RAP2A: variants seen among roughly 807,000 people sequenced by gnomAD.
RAP2A encodes the protein RAP2A, member of RAS oncogene family.
Under a neutral mutation model 15.1 loss-of-function variants are expected in RAP2A, and 5 were observed. That is an observed-to-expected ratio of 0.33 (90% CI 0.17 to 0.70). The LOEUF (loss-of-function observed/expected upper bound fraction) is 0.70, where lower values mean the gene tolerates loss of function less well. RAP2A is among the 30% of genes least tolerant of loss of function. RAP2A has a pLI of 0.68. For missense variants in RAP2A, 111 were observed against 240.3 expected, an observed-to-expected ratio of 0.46 and a Z score of 3.56; for synonymous variants, 110 against 99.7, an observed-to-expected ratio of 1.10 and a Z score of -0.62.
At chr13:97,460,863 T>C (rs1479602467) in intron 1 of RAP2A, among the ~76,000 whole-genome samples, 1 of 152,174 alleles carries the variant, frequency 6.6e-6, no homozygotes, top group Non-Finnish European at 1.5e-5. Flanking sequence ...GTCTGGTGGC[T>C]GCTTTGTTGT....
chr13:97,455,720 T>G (rs1426829726), intron 1 of RAP2A, among the ~76,000 whole-genome samples: 1 of 151,510 alleles, frequency 6.6e-6, no homozygotes, highest in Non-Finnish European at 1.5e-5. Flanking sequence ...CTGCTTTGAG[T>G]CTTCCCACTC....
At position 97,467,878 on chromosome 13, in the gene RAP2A, G is replaced by C. The variant is rs2066779306; in HGVS notation, c.*3436G>C. The C allele has an allele frequency of 6.6e-6, 1 of 152,534 alleles. No individual in the cohort carries two copies. Among genetic ancestry groups the C allele is most frequent in the Admixed American group, 6.5e-5 (1 of 15,278 alleles). 9.4% of individuals were successfully genotyped at this position (152,534 alleles called of 1,614,324 possible). A position where few individuals can be genotyped will look rare whatever the true frequency, so the allele number is the denominator to read the frequency against. ...AGTTTATTGTTTTGTAACAATGTCA[G>C]TTGTTAAACCTTGACATTTCAATTA... On this transcript the variant is annotated 3_prime_UTR_variant, in exon 2 of 2. Coordinates refer to ENST00000245304, the MANE Select transcript of RAP2A (RefSeq NM_021033.7).
At chr13:97,461,962 CAA>C (rs775969872) in intron 1 of RAP2A, among the ~76,000 whole-genome samples, 17 of 105,866 alleles carry the variant, frequency 1.6e-4, no homozygotes, top group South Asian at 9.1e-4. Context: ...GACTCCGTCT[CAA>C]AAAAAAAATA....
At chr13:97,441,716 T>G (rs1177674895) in intron 1 of RAP2A, 2 of 426,222 alleles carry the variant, frequency 4.7e-6, no homozygotes, top group African/African-American at 2.1e-5. Flanking sequence ...TGTTTTCTGT[T>G]TCTCTCCATC....
At chr13:97,439,916 T>G (rs1479739450) in intron 1 of RAP2A, among the ~76,000 whole-genome samples, 1 of 152,100 alleles carries the variant, frequency 6.6e-6, no homozygotes, top group African/African-American at 2.4e-5. Context: ...AGATTATTAT[T>G]AATTTTCTAT....
intron 1 of RAP2A, among the ~76,000 whole-genome samples, chr13:97,442,996 A>G (rs1158272933): frequency 1.3e-5 from 2 of 152,236 alleles, no homozygotes; most frequent in African/African-American, 2.4e-5. Flanking sequence ...TAGTAATTCA[A>G]GATAACTTTT....
chr13:97,452,846 A>C (rs1023330069), intron 1 of RAP2A, among the ~76,000 whole-genome samples: 1 of 151,284 alleles, frequency 6.6e-6, no homozygotes, highest in Non-Finnish European at 1.5e-5. Flanking sequence ...CTTGTTGTGA[A>C]GGTCTTTTAC....
At chr13:97,455,465 T>C (rs1016391143) in intron 1 of RAP2A, among the ~76,000 whole-genome samples, 3 of 151,488 alleles carry the variant, frequency 2.0e-5, no homozygotes, top group African/African-American at 4.9e-5. Context: ...TTTAGTATTA[T>C]GTTGCTTAGT....
At chr13:97,438,135 A>G (rs566984145) in intron 1 of RAP2A, among the ~76,000 whole-genome samples, 6 of 152,366 alleles carry the variant, frequency 3.9e-5, no homozygotes, top group African/African-American at 1.4e-4. Flanking sequence ...AAATAAAACT[A>G]GAATTTTTTT....
At chr13:97,441,580 A>AT (rs1402117873) in intron 1 of RAP2A, among the ~76,000 whole-genome samples, 1 of 151,886 alleles carries the variant, frequency 6.6e-6, no homozygotes, top group Non-Finnish European at 1.5e-5. Flanking sequence ...ACTTAAGGGA[A>AT]TTTTTTTTCA....
chr13:97,441,127 T>A (rs1444039992), intron 1 of RAP2A, among the ~76,000 whole-genome samples: 1 of 152,156 alleles, frequency 6.6e-6, no homozygotes, highest in Non-Finnish European at 1.5e-5. Flanking sequence ...TGTCTCTTCC[T>A]CTCTAACATT....
chr13:97,444,920 A>G (rs1399727626), intron 1 of RAP2A, among the ~76,000 whole-genome samples: 5 of 152,234 alleles, frequency 3.3e-5, no homozygotes, highest in Non-Finnish European at 5.9e-5. Flanking sequence ...TATAAACAAT[A>G]GAAATGTATT....
intron 1 of RAP2A, among the ~76,000 whole-genome samples, chr13:97,442,994 C>T (rs1479735004): frequency 6.6e-6 from 1 of 152,106 alleles, no homozygotes; most frequent in Non-Finnish European, 1.5e-5. Context: ...TCTAGTAATT[C>T]AAGATAACTT....
chr13:97,445,888 A>G (rs1338699323), intron 1 of RAP2A, among the ~76,000 whole-genome samples: 1 of 152,182 alleles, frequency 6.6e-6, no homozygotes, highest in East Asian at 1.9e-4. Context: ...ATGACAGAAA[A>G]TGTTTATTCC....
chr13:97,453,334 C>T (rs1281199275), intron 1 of RAP2A, among the ~76,000 whole-genome samples: 1 of 151,222 alleles, frequency 6.6e-6, no homozygotes, highest in African/African-American at 2.4e-5. Flanking sequence ...CACAGGATCT[C>T]TCGGGTTGCC....
Position 97,434,316 on chromosome 13 carries a change from C to T in RAP2A, c.-155C>T. The stretch of plus-strand genomic sequence containing the variant: ...GCCGCTGCTCCCTCAGTTGCCGCCG[C>T]CGCCGCCGGCGCCCAGGGGGCCGCC... On this transcript the variant is annotated 5_prime_UTR_variant, in exon 1 of 2. Coordinates refer to ENST00000245304, the MANE Select transcript of RAP2A (RefSeq NM_021033.7). The T allele has an allele frequency of 2.4e-5, 10 of 418,364 alleles. No individual in the cohort carries two copies. Among genetic ancestry groups the T allele is most frequent in the Non-Finnish European group, 3.2e-5 (10 of 315,782 alleles). 25.9% of individuals were successfully genotyped at this position (418,364 alleles called of 1,614,324 possible).
intron 1 of RAP2A, 94 bp downstream of exon 1, chr13:97,434,878 T>C: frequency 6.6e-7 from 1 of 1,519,146 alleles, no homozygotes. Context: ...GAAGGGGCTT[T>C]CTGGGGGGTG....
rs904491344 is a variant in RAP2A, at chr13:97,434,381, C to T, written c.-90C>T. On this transcript the variant is annotated 5_prime_UTR_variant, in exon 1 of 2. Transcript: ENST00000245304. ...GGGGCGGCAGCGGGAGGCGGCGGGG[C>T]GGGCCGCCGGGGCCGGGGCTGGGGG... 2 of 972,086 alleles carry T rather than the reference C, an allele frequency of 2.1e-6. No individual in the cohort carries two copies. Among genetic ancestry groups the T allele is most frequent in the South Asian group, 4.7e-5 (1 of 21,392 alleles). The allele number at this position is 972,086 out of a possible 1,614,324, so 60.2% of individuals were successfully genotyped here.
intron 1 of RAP2A, 151 bp downstream of exon 1, chr13:97,434,935 A>G (rs1316024173): frequency 8.2e-7 from 1 of 1,215,206 alleles, no homozygotes; most frequent in African/African-American, 1.5e-5. Flanking sequence ...CCTCCTCCTC[A>G]ATCTCAAATT....
Sources: allele counts gnomAD v4.1 joint callset (sites outside exome capture counted in the v4.1 genomes callset), GRCh38; gene constraint gnomAD v4.1.1; transcripts MANE v1.5; gene names NCBI Gene and HGNC (gene_info 2026-07-23, HGNC 2026-07-21).